MCM10: variants seen among roughly 807,000 people sequenced by gnomAD.
MCM10 encodes the protein protein MCM10 homolog.
A neutral mutation model predicts 109.9 loss-of-function variants in MCM10; 91 were observed. The ratio of observed to expected loss-of-function variants is 0.83; its 90% CI spans 0.70 to 0.99. MCM10 has a LOEUF of 0.99. MCM10 is among the 50% of genes least tolerant of loss of function. MCM10 has a pLI of 0.00. For synonymous variants in MCM10, 380 were observed against 387.2 expected (o/e 0.98, Z 0.22); for missense variants, 1,077 against 1,061.2 (o/e 1.01, Z -0.21).
At chr10:13,173,376 T>A (rs186604294) in intron 5 of MCM10, among the ~76,000 whole-genome samples, 192 of 152,322 alleles carry the variant, frequency 1.3e-3, no homozygotes, top group African/African-American at 4.3e-3. Context: ...GGTCAAGTTT[T>A]ATTTGAAGCC....
chr10:13,191,661 TAGTG>T (rs1834349292), intron 11 of MCM10, among the ~76,000 whole-genome samples: 1 of 152,172 alleles, frequency 6.6e-6, no homozygotes, highest in African/African-American at 2.4e-5. Flanking sequence ...CACCTGTACT[TAGTG>T]AGTGGCGCGG....
rs544783884 is a variant in MCM10, at chr10:13,198,732, A to T, written c.2163A>T (p.Gln721His). ...LEPARKKRREQLAYLESEEFQ... is the reference protein window; with the variant it reads ...LEPARKKRREHLAYLESEEFQ... ...CTGCCAGGAAAAAAAGGAGAGAACA[A>T]CTTGCCTATCTGGAATCTGAGGAAT... The change falls in exon 16 of 20, where the codon CAA (glutamine) becomes CAT (histidine). Residue 721 changes from glutamine (Q) to histidine (H), a missense_variant. Physicochemically the swap from Gln to His is conservative, Grantham distance 24. Transcript: ENST00000378714. 4.3e-6 allele frequency: 7 copies of T among 1,614,086 alleles called. No individual in the cohort carries two copies. The highest frequency in any genetic ancestry group is 2.7e-5 in the African/African-American group (2 of 75,076).
rs560992181 is a variant in MCM10 at position 13,162,905 on chromosome 10, C to T, written c.-75-1223C>T. Reference sequence around the variant, plus strand: ...CCATCCTGGCTAATACGGTGAAACCCCATCTCTACTAAAAATACAAAAAAT... The same window carrying T: ...CCATCCTGGCTAATACGGTGAAACCTCATCTCTACTAAAAATACAAAAAAT... On this transcript the variant is annotated intron_variant, in intron 1 of 19. Transcript: ENST00000378714. 3.2e-4 allele frequency among the ~76,000 whole-genome samples: 49 copies of T among 152,244 alleles called. No homozygotes were observed. The East Asian group carries it at 8.1e-3, about 25-fold the overall frequency.
intron 2 of MCM10, among the ~76,000 whole-genome samples, chr10:13,167,788 G>A (rs922152711): frequency 2.0e-5 from 3 of 152,162 alleles, no homozygotes; most frequent in Admixed American, 6.5e-5. Flanking sequence ...AATACGTGCC[G>A]AACACTATTC....
At chr10:13,201,373 G>T in intron 16 of MCM10, 48 bp from the exon 17 acceptor site, 1 of 1,105,438 alleles carries the variant, frequency 9.0e-7, no homozygotes, top group East Asian at 2.5e-5. Context: ...CTGCCTGAGT[G>T]CATACTGGAT....
chr10:13,198,661 C>T, intron 15 of MCM10, 28 bp from the exon 16 acceptor site: 2 of 1,480,166 alleles, frequency 1.4e-6, no homozygotes, highest in South Asian at 2.3e-5. Context: ...TTCTTGGTCG[C>T]TGCTAATGTT....
intron 5 of MCM10, among the ~76,000 whole-genome samples, chr10:13,173,885 A>G (rs908141777): frequency 6.6e-6 from 1 of 152,186 alleles, no homozygotes; most frequent in Admixed American, 6.5e-5. Flanking sequence ...GCAGTGATCC[A>G]AAGTCCCTTT....
intron 8 of MCM10, 110 bp downstream of exon 8, chr10:13,183,210 C>T: frequency 7.8e-7 from 1 of 1,275,766 alleles, no homozygotes; most frequent in Non-Finnish European, 1.1e-6. Context: ...AATCCTAACA[C>T]TTTGGGGAGG....
Position 13,209,383 on chromosome 10 carries a change from A to G in MCM10, c.*73A>G. ...CTGGAAAGCAAAGGATTGGCTGTGTATTGTCCATTGATTCCTGATTGACGC... is the reference window on the plus strand; with the variant it reads ...CTGGAAAGCAAAGGATTGGCTGTGTGTTGTCCATTGATTCCTGATTGACGC... On this transcript the variant is annotated 3_prime_UTR_variant, in exon 20 of 20. Coordinates refer to ENST00000378714, the MANE Select transcript of MCM10 (RefSeq NM_018518.5). 1 of 1,156,024 alleles carries G rather than the reference A, an allele frequency of 8.7e-7. No individual in the cohort carries two copies. The highest frequency in any genetic ancestry group is 1.3e-6 in the Non-Finnish European group (1 of 775,280). The allele number at this position is 1,156,024 out of a possible 1,614,324, so 71.6% of individuals were successfully genotyped here.
In MCM10 at chr10:13,180,458, T is replaced by G. The variant is rs745828712; in HGVS notation, c.781T>G (p.Ser261Ala). 2 of 1,611,990 alleles carry G rather than the reference T, an allele frequency of 1.2e-6. No homozygotes were observed. Among genetic ancestry groups the G allele is most frequent in the African/African-American group, 1.3e-5 (1 of 74,664 alleles). Residue 261 changes from serine to alanine, a missense_variant, in exon 7 of 20, where the codon TCC becomes GCC. Transcript: ENST00000378714. ...GLRLRRPRVSSTEMNKKMTGR... is the reference protein window; with the variant it reads ...GLRLRRPRVSATEMNKKMTGR... Reference sequence around the variant, plus strand: ...TTAACCCAGGCGGCCTCGAGTATCCTCCACAGAAATGAACAAGAAAATGAC... The same window carrying G: ...TTAACCCAGGCGGCCTCGAGTATCCGCCACAGAAATGAACAAGAAAATGAC...
chr10:13,186,029 T>C, intron 8 of MCM10, 135 bp from the exon 9 acceptor site: 2 of 593,966 alleles, frequency 3.4e-6, no homozygotes, highest in South Asian at 1.8e-5. Context: ...CCCAGAGTGC[T>C]AGGATTATAG....
rs1192857501 is a variant in MCM10, at chr10:13,204,252, T to C, written c.2386T>C (p.Cys796Arg). Residue 796 changes from cysteine to arginine, a missense_variant, in exon 18 of 20, where the codon TGC becomes CGC. Transcript: ENST00000378714. The stretch of plus-strand genomic sequence containing the variant: ...TACCCACTTCAAGCTGCTGGAGACC[T>C]GCGTCAGTGAGCAGCATGAATACCA... Reference protein sequence around the residue: ...AYTHFKLLETCVSEQHEYHWH... With the variant: ...AYTHFKLLETRVSEQHEYHWH... The C allele has an allele frequency of 6.2e-7, 1 of 1,614,162 alleles. No individual in the cohort carries two copies. The highest frequency in any genetic ancestry group is 8.5e-7 in the Non-Finnish European group (1 of 1,180,016).
intron 5 of MCM10, among the ~76,000 whole-genome samples, chr10:13,174,398 G>A (rs901793603): frequency 2.6e-5 from 4 of 151,938 alleles, no homozygotes; most frequent in Non-Finnish European, 4.4e-5. Context: ...CCAAAGTGCT[G>A]GGATTACAGA....
intron 17 of MCM10, among the ~76,000 whole-genome samples, chr10:13,203,579 G>GGTTGTCCAAGTGTCGA (rs1307875961): frequency 6.6e-6 from 1 of 152,104 alleles, no homozygotes; most frequent in East Asian, 1.9e-4. Context: ...CACTTTCTGA[G>GGTTGTCCAAGTGTCGA]GTTGTCCAAG....
intron 6 of MCM10, 78 bp from the exon 7 acceptor site, chr10:13,180,364 C>T: frequency 7.6e-7 from 1 of 1,321,854 alleles, no homozygotes. Context: ...GACCATCACA[C>T]TCCCTTACCA....
Position 13,195,186 on chromosome 10 carries a change from G to A in MCM10, c.1891G>A (p.Val631Ile). 2 of 1,613,978 alleles carry A rather than the reference G, an allele frequency of 1.2e-6. No individual in the cohort carries two copies. The highest frequency in any genetic ancestry group is 4.5e-5 in the East Asian group (2 of 44,868). The stretch of plus-strand genomic sequence containing the variant: ...AATGACGCCCAAGCTGGGGCGAGGT[G>A]TCTTGGAAGGAGATGATGTTCTCTT... ...ATMTPKLGRGVLEGDDVLFYD... is the reference protein window; with the variant it reads ...ATMTPKLGRGILEGDDVLFYD... The change falls in exon 14 of 20, where the codon GTC (valine) becomes ATC (isoleucine). Residue 631 changes from valine (V) to isoleucine (I), a missense_variant. Physicochemically the swap from Val to Ile is conservative, Grantham distance 29. Transcript: ENST00000378714.
At chr10:13,165,588 G>A (rs1833985075) in intron 2 of MCM10, among the ~76,000 whole-genome samples, 1 of 152,118 alleles carries the variant, frequency 6.6e-6, no homozygotes, top group Non-Finnish European at 1.5e-5. Flanking sequence ...AAATCATAAT[G>A]TTTAGGCTGG....
intron 7 of MCM10, among the ~76,000 whole-genome samples, chr10:13,180,939 A>G (rs1450970315): frequency 6.6e-6 from 1 of 152,198 alleles, no homozygotes; most frequent in East Asian, 1.9e-4. Flanking sequence ...GTAACCAAAG[A>G]GGCTGAGCTC....
chr10:13,170,445 A>C (rs970502647), intron 2 of MCM10, among the ~76,000 whole-genome samples: 4 of 152,194 alleles, frequency 2.6e-5, no homozygotes, highest in Non-Finnish European at 1.5e-5. Context: ...TGGTGTTTTA[A>C]AATTATTCCC....
Sources: gnomAD v4.1 joint callset for allele counts (sites outside exome capture counted in the v4.1 genomes callset) on GRCh38, gnomAD v4.1.1 for gene constraint, MANE v1.5 for transcripts, NCBI Gene and HGNC (gene_info 2026-07-23, HGNC 2026-07-21) for gene names.